PCNT: variants seen among roughly 807,000 people sequenced by gnomAD.
PCNT encodes the protein kendrin.
Under a neutral mutation model 380.4 loss-of-function variants are expected in PCNT, and 319 were observed. The ratio of observed to expected loss-of-function variants is 0.84; its 90% CI spans 0.77 to 0.92. PCNT has a LOEUF of 0.92. Among genes scored for constraint, PCNT ranks in the 40% least tolerant of loss-of-function variants. PCNT has a pLI of 0.00. For synonymous variants in PCNT, 1,845 were observed against 1,735.2 expected, an observed-to-expected ratio of 1.06 and a Z score of -1.57; for missense variants, 4,400 against 4,255.3, an observed-to-expected ratio of 1.03 and a Z score of -0.95.
intron 1 of PCNT, 68 bp downstream of exon 1, chr21:46,324,350 C>T (rs1302155321): frequency 1.6e-6 from 2 of 1,282,550 alleles, no homozygotes; most frequent in Non-Finnish European, 2.2e-6. Flanking sequence ...CGGTGCCCGC[C>T]ACCGCCCCCT....
At chr21:46,427,562 T>G (rs557732449) in intron 33 of PCNT, 60 bp from the exon 34 acceptor site, 2 of 1,605,260 alleles carry the variant, frequency 1.2e-6, no homozygotes, top group Non-Finnish European at 1.7e-6. Context: ...CTGCGAACTT[T>G]AGGGCACAAG....
In PCNT at chr21:46,422,123, A is replaced by G. The variant is rs1332907885; in HGVS notation, c.7178A>G (p.Lys2393Arg). The G allele has an allele frequency of 1.2e-6, 2 of 1,613,598 alleles. No homozygotes were observed. The highest frequency in any genetic ancestry group is 1.1e-5 in the South Asian group (1 of 91,084). ...AAGGAAGTGCGTCCGAAGCACGTGA[A>G]GGTATGGCTGGCAGGGGCGGCCCTC... ...KEKEVRPKHV[K>R]ALLQMVRDES... The change falls in exon 32 of 47, where the codon AAG becomes AGG. Residue 2393 changes from lysine (K) to arginine (R), a missense_variant and splice_region_variant. Physicochemically the swap from Lys to Arg is conservative, Grantham distance 26. Coordinates refer to ENST00000359568, the MANE Select transcript of PCNT (RefSeq NM_006031.6).
intron 11 of PCNT, among the ~76,000 whole-genome samples, chr21:46,354,670 G>A (rs2084408676): frequency 6.6e-6 from 1 of 152,162 alleles, no homozygotes; most frequent in Non-Finnish European, 1.5e-5. Context: ...CGCGTGGCTT[G>A]TTGCACGGTG....
Position 46,391,393 on chromosome 21 carries a change from G to C in PCNT, c.4216+17G>C, listed in dbSNP as rs527487004. The stretch of plus-strand genomic sequence containing the variant: ...GAGAAGCTGGTAAGGAGCGCGGGCT[G>C]TGGAGGGTGGTGCGAGCTGTGGGGC... On this transcript the variant is annotated intron_variant, in intron 21 of 46. Coordinates refer to ENST00000359568, the MANE Select transcript of PCNT (RefSeq NM_006031.6). The C allele has an allele frequency of 1.5e-5, 23 of 1,539,570 alleles. No individual in the cohort carries two copies. The South Asian group carries it at 2.5e-4, about 17-fold the overall frequency.
At chr21:46,393,759 T>C (rs916789800) in intron 21 of PCNT, among the ~76,000 whole-genome samples, 22 of 152,302 alleles carry the variant, frequency 1.4e-4, no homozygotes, top group Admixed American at 7.8e-4. Flanking sequence ...CAGGGCTTCT[T>C]CCCAAGGCTG....
chr21:46,442,505 T>G lies in PCNT; in HGVS notation c.9632T>G (p.Phe3211Cys), dbSNP rs559822257. ...GTCTCTTTTTTTTGTAGATTACGTT[T>G]TTTGGTTAAGAAATGGCAAGAAGTA... ...RVVIAILRLRFLVKKWQEVDR... is the reference protein window; with the variant it reads ...RVVIAILRLRCLVKKWQEVDR... The change falls in exon 44 of 47, where the codon TTT becomes TGT. Residue 3211 changes from phenylalanine to cysteine, a missense_variant. Phe to Cys is a radical substitution (Grantham distance 205). Transcript: ENST00000359568. 7.3e-5 allele frequency: 118 copies of G among 1,608,148 alleles called. No homozygotes were observed. In the South Asian group the frequency reaches 1.3e-3, roughly 17 times the overall value.
At chr21:46,335,105 T>G (rs2083691201) in intron 3 of PCNT, among the ~76,000 whole-genome samples, 1 of 152,222 alleles carries the variant, frequency 6.6e-6, no homozygotes, top group Non-Finnish European at 1.5e-5. Flanking sequence ...ATGAATTCCC[T>G]TTATTCTAGT....
chr21:46,398,327 C>T (rs1431908902), intron 24 of PCNT, 72 bp downstream of exon 24: 1 of 1,454,394 alleles, frequency 6.9e-7, no homozygotes, highest in African/African-American at 1.4e-5. Flanking sequence ...CTGGGACTGT[C>T]CTGCCACCCA....
chr21:46,414,390 C>T (rs1298117942), intron 29 of PCNT, among the ~76,000 whole-genome samples: 1 of 151,812 alleles, frequency 6.6e-6, no homozygotes, highest in Non-Finnish European at 1.5e-5. Context: ...CCTTCTCCTC[C>T]TTCTCCTCTG....
intron 29 of PCNT, among the ~76,000 whole-genome samples, chr21:46,414,124 T>C (rs1200550494): frequency 6.6e-6 from 1 of 152,084 alleles, no homozygotes; most frequent in Non-Finnish European, 1.5e-5. Context: ...CCCGAGTAGC[T>C]GGGACTGCAG....
intron 27 of PCNT, 144 bp downstream of exon 27, chr21:46,402,627 G>A (rs918979964): frequency 2.0e-5 from 16 of 805,426 alleles, no homozygotes; most frequent in East Asian, 8.0e-5. Flanking sequence ...TGCAGAGAGC[G>A]CCCGATTCTG....
chr21:46,362,555 G>C (rs1023242108), intron 13 of PCNT, among the ~76,000 whole-genome samples: 1 of 152,132 alleles, frequency 6.6e-6, no homozygotes, highest in African/African-American at 2.4e-5. Flanking sequence ...TTTAAATAAG[G>C]AGTTGAGGTC....
At chr21:46,420,615 A>G (rs56096475) in intron 31 of PCNT, 26,980 of 152,490 alleles carry the variant, frequency 0.18, 4,405 homozygotes, top group African/African-American at 0.43. Flanking sequence ...CAGTGGGACA[A>G]TGGGGAATGT....
chr21:46,406,080 C>G (rs903756599), intron 27 of PCNT, among the ~76,000 whole-genome samples: 2 of 152,178 alleles, frequency 1.3e-5, no homozygotes, highest in African/African-American at 4.8e-5. Flanking sequence ...TTGCTGTATT[C>G]TACCCTATTT....
At chr21:46,387,225 G>C (rs988218191) in intron 17 of PCNT, among the ~76,000 whole-genome samples, 2 of 152,226 alleles carry the variant, frequency 1.3e-5, no homozygotes, top group Non-Finnish European at 2.9e-5. Flanking sequence ...TGTGTGGGGG[G>C]TGTCTGTGCA....
In PCNT at chr21:46,438,234, A is replaced by G; in HGVS notation, c.9170A>G (p.Lys3057Arg). ...CTGAAAGACAATGTTTCCCTCACAA[A>G]AGCGCTCAGCACGGTGACCCAGGAG... ...VLLKDNVSLT[K>R]ALSTVTQEKL... Residue 3057 changes from lysine to arginine, a missense_variant, in exon 41 of 47, where the codon AAA becomes AGA. By Grantham distance (26) the Lys-to-Arg change is conservative (BLOSUM62 2). Coordinates refer to ENST00000359568, the MANE Select transcript of PCNT (RefSeq NM_006031.6). 6.2e-7 allele frequency: 1 copy of G among 1,614,150 alleles called. No individual in the cohort carries two copies. The highest frequency in any genetic ancestry group is 1.3e-5 in the African/African-American group (1 of 75,060).
intron 12 of PCNT, among the ~76,000 whole-genome samples, chr21:46,356,168 C>T (rs1276893439): frequency 1.3e-5 from 2 of 152,196 alleles, no homozygotes; most frequent in African/African-American, 2.4e-5. Context: ...GAGGGGCAGG[C>T]GGCCCTGGCC....
rs2085368304 is a variant in PCNT, at chr21:46,377,543, C to G, written c.3166-4151C>G. ...GAATCTGTCATCACTTATCTTAGAG[C>G]TGAGAAAAGTTTATTCTAAAATATT... On this transcript the variant is annotated intron_variant, in intron 15 of 46. Transcript: ENST00000359568. 3.3e-5 allele frequency among the ~76,000 whole-genome samples: 5 copies of G among 152,234 alleles called. No homozygotes were observed. The South Asian group carries it at 1.0e-3, about 32-fold the overall frequency.
rs746834511 is a variant in PCNT at position 46,346,881 on chromosome 21, C to T, written c.859C>T (p.Arg287Trp). The T allele has an allele frequency of 5.6e-6, 9 of 1,607,436 alleles. No homozygotes were observed. The highest frequency in any genetic ancestry group is 4.0e-5 in the African/African-American group (3 of 74,878). Residue 287 changes from arginine (R) to tryptophan (W), a missense_variant, in exon 5 of 47, where the codon CGG (arginine) becomes TGG (tryptophan). Transcript: ENST00000359568. The part of the protein sequence containing the change: ...LTELREMLNS[R>W]RAQELALLQS... ...GGAGCTGCGGGAGATGCTCAACAGC[C>T]GGCGTGCCCAGGAGCTGGCCCTGCT...
Sources: gnomAD v4.1 joint callset for allele counts (sites outside exome capture counted in the v4.1 genomes callset) on GRCh38, gnomAD v4.1.1 for gene constraint, MANE v1.5 for transcripts, NCBI Gene and HGNC (gene_info 2026-07-23, HGNC 2026-07-21) for gene names.